Variants in TENM4 observed in about 807,000 individuals in gnomAD.
TENM4 encodes the protein teneurin-4.
Under a neutral mutation model 243.3 loss-of-function variants are expected in TENM4, and 82 were observed. The observed-to-expected ratio is 0.34, with a 90% confidence interval of 0.28 to 0.40. The LOEUF (loss-of-function observed/expected upper bound fraction) is 0.40. Ranked by LOEUF, TENM4 falls within the 10% of genes least tolerant of loss-of-function variation. TENM4 has a pLI of 1.00. For synonymous variants in TENM4, 1,412 were observed against 1,456.3 expected (o/e 0.97, Z 0.69); for missense variants, 3,138 against 3,673.3 (o/e 0.85, Z 3.77).
chr11:78,784,494 G>C (rs1856896380), intron 16 of TENM4, among the ~76,000 whole-genome samples: 1 of 152,168 alleles, frequency 6.6e-6, no homozygotes, highest in Non-Finnish European at 1.5e-5. Flanking sequence ...AGGAAAATTA[G>C]ACAAGGACGA....
intron 2 of TENM4, among the ~76,000 whole-genome samples, chr11:79,219,487 A>G (rs939309240): frequency 1.3e-5 from 2 of 152,214 alleles, no homozygotes; most frequent in Non-Finnish European, 2.9e-5. Flanking sequence ...TGTGCCAGGC[A>G]TTGGGCAGGC....
At chr11:78,666,062 T>G (rs1858151159) in intron 32 of TENM4, among the ~76,000 whole-genome samples, 1 of 144,432 alleles carries the variant, frequency 6.9e-6, no homozygotes, top group Admixed American at 6.9e-5. Context: ...ATTTTTTTTT[T>G]GTTGTTGTTG....
chr11:79,435,966 GA>G (rs1859263978), intron 1 of TENM4, among the ~76,000 whole-genome samples: 1 of 152,138 alleles, frequency 6.6e-6, no homozygotes, highest in Non-Finnish European at 1.5e-5. Flanking sequence ...ACTTTCCTAA[GA>G]AAAGAAAAGA....
chr11:79,125,482 G>T (rs1861855155), intron 4 of TENM4, among the ~76,000 whole-genome samples: 1 of 152,184 alleles, frequency 6.6e-6, no homozygotes, highest in African/African-American at 2.4e-5. Flanking sequence ...AACAAAAGAT[G>T]CATGCACAGC....
intron 3 of TENM4, among the ~76,000 whole-genome samples, chr11:79,187,984 A>G (rs964754222): frequency 1.1e-4 from 16 of 152,338 alleles, no homozygotes; most frequent in Non-Finnish European, 1.5e-4. Context: ...AATTCTACTC[A>G]TCTGCAAAGA....
chr11:78,985,949 G>C (rs1857908089), intron 6 of TENM4, among the ~76,000 whole-genome samples: 1 of 152,176 alleles, frequency 6.6e-6, no homozygotes, highest in African/African-American at 2.4e-5. Context: ...CATTCAGGAG[G>C]CCCTATGCAT....
chr11:79,226,618 A>G (rs1864271476), intron 2 of TENM4, among the ~76,000 whole-genome samples: 3 of 152,174 alleles, frequency 2.0e-5, no homozygotes, highest in Non-Finnish European at 2.9e-5. Context: ...GAATCATTAT[A>G]CCTTGATGAT....
intron 3 of TENM4, among the ~76,000 whole-genome samples, chr11:79,213,054 C>T (rs892751905): frequency 1.3e-5 from 2 of 152,270 alleles, no homozygotes; most frequent in South Asian, 4.1e-4. Flanking sequence ...TCCCCAGGCT[C>T]ATGGGGATGA....
chr11:78,820,650 TC>T (rs1857706267), intron 12 of TENM4, among the ~76,000 whole-genome samples: 2 of 151,998 alleles, frequency 1.3e-5, no homozygotes, highest in African/African-American at 4.8e-5. Flanking sequence ...GTCAAATGAA[TC>T]CAAACAAGGA....
At chr11:79,025,637 A>G (rs574696424) in intron 6 of TENM4, among the ~76,000 whole-genome samples, 1 of 152,210 alleles carries the variant, frequency 6.6e-6, no homozygotes, top group Non-Finnish European at 1.5e-5. Context: ...TAGCCTGTGT[A>G]AGGTCCCATG....
intron 4 of TENM4, chr11:79,093,784 C>G (rs1373707772): frequency 6.6e-6 from 1 of 152,198 alleles, no homozygotes; most frequent in Admixed American, 6.5e-5. Context: ...TACGTCTTCT[C>G]CTCCTGGAGC....
chr11:79,222,137 G>T (rs1864169739), intron 2 of TENM4, among the ~76,000 whole-genome samples: 1 of 152,226 alleles, frequency 6.6e-6, no homozygotes, highest in Admixed American at 6.5e-5. Flanking sequence ...AATGACTGAG[G>T]ATCTGTGCTA....
At chr11:79,225,820 G>A (rs994835492) in intron 2 of TENM4, among the ~76,000 whole-genome samples, 10 of 152,228 alleles carry the variant, frequency 6.6e-5, no homozygotes, top group Non-Finnish European at 1.5e-4. Flanking sequence ...AGGGATGATG[G>A]TTCTGTGACT....
At chr11:78,862,117 C>T (rs559952367) in intron 10 of TENM4, among the ~76,000 whole-genome samples, 1 of 152,302 alleles carries the variant, frequency 6.6e-6, no homozygotes, top group African/African-American at 2.4e-5. Context: ...ATATCCATGT[C>T]TCATTGTACA....
intron 6 of TENM4, among the ~76,000 whole-genome samples, chr11:79,001,484 C>G (rs541663759): frequency 1.3e-5 from 2 of 151,984 alleles, no homozygotes; most frequent in Non-Finnish European, 2.9e-5. Context: ...GAGACCCCCC[C>G]CAAATCCCAT....
chr11:78,943,074 T>C (rs369115767), intron 6 of TENM4, among the ~76,000 whole-genome samples: 1 of 152,270 alleles, frequency 6.6e-6, no homozygotes, highest in South Asian at 2.1e-4. Context: ...AGCCCAGAAA[T>C]GTGCATCTGC....
chr11:79,041,382 C>T (rs1859525094), intron 6 of TENM4, among the ~76,000 whole-genome samples: 1 of 151,746 alleles, frequency 6.6e-6, no homozygotes, highest in South Asian at 2.1e-4. Flanking sequence ...CTCTTGAAGC[C>T]CCAGATTTCT....
intron 1 of TENM4, among the ~76,000 whole-genome samples, chr11:79,374,768 C>G (rs936061860): frequency 1.2e-4 from 18 of 152,098 alleles, no homozygotes; most frequent in African/African-American, 3.9e-4. Flanking sequence ...GGGTTAATTT[C>G]TAAAATAGTT....
At chr11:78,798,933 G>T (rs1279874547) in intron 15 of TENM4, among the ~76,000 whole-genome samples, 1 of 152,156 alleles carries the variant, frequency 6.6e-6, no homozygotes, top group Admixed American at 6.6e-5. Flanking sequence ...TGCTCATGCT[G>T]AATAATTAGG....
Sources: gnomAD v4.1 joint callset for allele counts (sites outside exome capture counted in the v4.1 genomes callset) on GRCh38, gnomAD v4.1.1 for gene constraint, MANE v1.5 for transcripts, NCBI Gene and HGNC (gene_info 2026-07-23, HGNC 2026-07-21) for gene names.